The following COX10 variants were observed in gnomAD, a reference collection of about 807,000 sequenced individuals.
COX10 encodes the protein protoheme IX farnesyltransferase, mitochondrial.
A neutral mutation model predicts 37.3 loss-of-function variants in COX10; 27 were observed. The ratio of observed to expected loss-of-function variants is 0.72; its 90% CI spans 0.53 to 1.00. COX10 has a LOEUF of 1.00. Ranked by LOEUF, COX10 falls within the 50% of genes least tolerant of loss-of-function variation. The pLI is 0.00. For synonymous variants in COX10, 222 were observed against 229.1 expected, an observed-to-expected ratio of 0.97 and a Z score of 0.28; for missense variants, 475 against 563.2, an observed-to-expected ratio of 0.84 and a Z score of 1.59.
intron 4 of COX10, among the ~76,000 whole-genome samples, chr17:14,134,679 T>TA (rs916055223): frequency 2.6e-5 from 4 of 151,824 alleles, no homozygotes; most frequent in African/African-American, 9.6e-5. Context: ...CTGAGTAAGC[T>TA]AAAAAACAGC....
chr17:14,122,090 C>G (rs988359649), intron 4 of COX10, among the ~76,000 whole-genome samples: 29 of 152,042 alleles, frequency 1.9e-4, no homozygotes, highest in African/African-American at 7.0e-4. Flanking sequence ...GTGGGCAAAG[C>G]CTAGAGGCAT....
At chr17:14,183,027 A>T (rs1490728628) in intron 5 of COX10, among the ~76,000 whole-genome samples, 3 of 151,576 alleles carry the variant, frequency 2.0e-5, no homozygotes, top group Non-Finnish European at 4.4e-5. Context: ...TAAACAAAAC[A>T]ATGTTATATT....
At chr17:14,143,153 A>G (rs1483336280) in intron 4 of COX10, among the ~76,000 whole-genome samples, 1 of 152,166 alleles carries the variant, frequency 6.6e-6, no homozygotes, top group African/African-American at 2.4e-5. Context: ...TGTCTTATAG[A>G]TGCATATTTC....
chr17:14,072,474 G>A (rs75111748), intron 1 of COX10, among the ~76,000 whole-genome samples: 37 of 151,930 alleles, frequency 2.4e-4, no homozygotes, highest in Non-Finnish European at 4.0e-4. Flanking sequence ...CCCAACCTTG[G>A]CCTCCCAAGT....
At chr17:14,104,640 AT>A (rs1393915584) in intron 4 of COX10, among the ~76,000 whole-genome samples, 1 of 152,104 alleles carries the variant, frequency 6.6e-6, no homozygotes, top group Non-Finnish European at 1.5e-5. Context: ...AATTTTATTT[AT>A]ATTTTGTATT....
intron 4 of COX10, among the ~76,000 whole-genome samples, chr17:14,137,594 G>A (rs1249469207): frequency 6.6e-6 from 1 of 151,862 alleles, no homozygotes; most frequent in Admixed American, 6.6e-5. Flanking sequence ...TTCTTCCCAT[G>A]TGGGTTATTA....
chr17:14,097,137 A>G (rs912978873), intron 3 of COX10, among the ~76,000 whole-genome samples: 4 of 152,178 alleles, frequency 2.6e-5, no homozygotes, highest in Non-Finnish European at 5.9e-5. Flanking sequence ...TGCTGTTACA[A>G]AATGATTCCA....
intron 4 of COX10, among the ~76,000 whole-genome samples, chr17:14,145,066 G>C (rs1013750494): frequency 6.6e-6 from 1 of 151,994 alleles, no homozygotes; most frequent in Non-Finnish European, 1.5e-5. Context: ...GGAGAGAAGA[G>C]GCTGTACACA....
intron 6 of COX10, among the ~76,000 whole-genome samples, chr17:14,196,374 T>G (rs1389707108): frequency 6.6e-6 from 1 of 152,118 alleles, no homozygotes; most frequent in Admixed American, 6.5e-5. Context: ...CCCAAACTGG[T>G]CCCAGATGAC....
At chr17:14,163,780 A>G (rs977637446) in intron 5 of COX10, among the ~76,000 whole-genome samples, 1 of 152,196 alleles carries the variant, frequency 6.6e-6, no homozygotes, top group Non-Finnish European at 1.5e-5. Flanking sequence ...AGTTGCTCAT[A>G]ATCTATCCCT....
Position 14,069,600 on chromosome 17 carries a change from T to G in COX10, c.-6T>G, listed in dbSNP as rs1051383232. On this transcript the variant is annotated 5_prime_UTR_variant, in exon 1 of 7. Coordinates refer to ENST00000261643, the MANE Select transcript of COX10 (RefSeq NM_001303.4). ...ATCCCGGGGAGCGGCCCCAGACTCG[T>G]AAATTATGGCCGCATCTCCGCACAC... 5.0e-6 allele frequency: 8 copies of G among 1,613,850 alleles called. No individual in the cohort carries two copies.
At chr17:14,093,451 T>C (rs1169560859) in intron 3 of COX10, among the ~76,000 whole-genome samples, 1 of 152,164 alleles carries the variant, frequency 6.6e-6, no homozygotes, top group Non-Finnish European at 1.5e-5. Context: ...AAAAACAAAT[T>C]CTTGATAAAG....
chr17:14,085,360 A>G (rs1257690581), intron 3 of COX10, among the ~76,000 whole-genome samples: 2 of 152,152 alleles, frequency 1.3e-5, no homozygotes, highest in Admixed American at 6.5e-5. Context: ...TATCTTCCTC[A>G]TACTTCCTCA....
At chr17:14,202,165 C>G (rs1906563058) in intron 6 of COX10, among the ~76,000 whole-genome samples, 1 of 151,646 alleles carries the variant, frequency 6.6e-6, no homozygotes, top group South Asian at 2.1e-4. Context: ...CTACCCAGAG[C>G]ACCCAACAGT....
intron 5 of COX10, chr17:14,182,139 A>G: frequency 1.0e-6 from 1 of 983,826 alleles, no homozygotes. Context: ...ATAATACCAC[A>G]GTCTCTGCGC....
chr17:14,155,090 C>T (rs866315447), intron 4 of COX10, among the ~76,000 whole-genome samples: 20 of 152,044 alleles, frequency 1.3e-4, no homozygotes, highest in African/African-American at 4.6e-4. Context: ...GTAGAGTGAA[C>T]CAGGAAGGGT....
chr17:14,080,527 A>G (rs1328654842), intron 3 of COX10, among the ~76,000 whole-genome samples: 1 of 152,182 alleles, frequency 6.6e-6, no homozygotes, highest in Non-Finnish European at 1.5e-5. Flanking sequence ...TTTGGGAATT[A>G]GACTTTCTCT....
Position 14,207,054 on chromosome 17 carries a change from C to T in COX10, c.1173C>T (p.Tyr391=), listed in dbSNP as rs746361850. Residue 391 remains tyrosine, a synonymous_variant, in exon 7 of 7, where the codon TAC becomes TAT. Transcript: ENST00000261643. The part of the protein sequence containing the change: ...FPIMALPINA[Y]ISYLGFRFYV... ...TCATGGCCCTTCCCATCAATGCGTACATCTCCTACCTCGGCTTCCGCTTCT... is the reference window on the plus strand; with the variant it reads ...TCATGGCCCTTCCCATCAATGCGTATATCTCCTACCTCGGCTTCCGCTTCT... 3.1e-6 allele frequency: 5 copies of T among 1,614,070 alleles called. No homozygotes were observed. The highest frequency in any genetic ancestry group is 1.6e-4 in the Middle Eastern group (1 of 6,062).
At position 14,072,409 on chromosome 17, in the gene COX10, C is replaced by T. The variant is rs994809682; in HGVS notation, c.44-1914C>T. Among the ~76,000 whole-genome samples the T allele has an allele frequency of 3.3e-5, 5 of 152,022 alleles. No homozygotes were observed. In the East Asian group the frequency reaches 9.7e-4, roughly 29 times the overall value. ...CTAAGTTTTGTATTTTTAGTAGAGA[C>T]GGGGTTTCACTGTGTTGGCCAGGAT... On this transcript the variant is annotated intron_variant, in intron 1 of 6. Transcript: ENST00000261643.
Sources: allele counts gnomAD v4.1 joint callset (sites outside exome capture counted in the v4.1 genomes callset), GRCh38; gene constraint gnomAD v4.1.1; transcripts MANE v1.5; gene names NCBI Gene and HGNC (gene_info 2026-07-23, HGNC 2026-07-21).